Variants in GOLGB1 observed in about 807,000 individuals in gnomAD.
GOLGB1 encodes the protein golgin B1.
Under a neutral mutation model 336.9 loss-of-function variants are expected in GOLGB1, and 174 were observed. The ratio of observed to expected loss-of-function variants is 0.52; its 90% CI spans 0.46 to 0.59. GOLGB1 has a LOEUF of 0.59. GOLGB1 is among the 20% of genes least tolerant of loss of function. GOLGB1 has a pLI of 0.00. For missense variants in GOLGB1, 3,331 were observed against 3,645.3 expected, an observed-to-expected ratio of 0.91 and a Z score of 2.22; for synonymous variants, 1,208 against 1,289.2, an observed-to-expected ratio of 0.94 and a Z score of 1.35.
intron 1 of GOLGB1, among the ~76,000 whole-genome samples, chr3:121,731,297 G>C (rs1326715768): frequency 6.6e-6 from 1 of 151,914 alleles, no homozygotes; most frequent in African/African-American, 2.4e-5. Context: ...CACCTTAAAG[G>C]TAGTTTTTAT....
rs1297478226 is a variant in GOLGB1, at chr3:121,676,890, T to TA, written c.9177+2dup. The TA allele has an allele frequency of 6.2e-7, 1 of 1,613,118 alleles. No homozygotes were observed. The highest frequency in any genetic ancestry group is 1.3e-5 in the African/African-American group (1 of 74,878). On this transcript the variant is annotated splice_region_variant and intron_variant, in intron 17 of 21. Transcript: ENST00000614479. Reference sequence around the variant, plus strand: ...GAATTCCAGTCTAACAAGAAACACTTACGTTGCTGTTCAGTTGCTGAATTC... The same window carrying TA: ...GAATTCCAGTCTAACAAGAAACACTTAACGTTGCTGTTCAGTTGCTGAATTC...
chr3:121,699,545 T>G (rs1943219864), intron 12 of GOLGB1, among the ~76,000 whole-genome samples: 1 of 152,160 alleles, frequency 6.6e-6, no homozygotes, highest in South Asian at 2.1e-4. Flanking sequence ...TTGAGATAGA[T>G]GATAACCCAG....
At position 121,717,974 on chromosome 3, in the gene GOLGB1, T is replaced by G. The variant is rs541848879; in HGVS notation, c.885+414A>C. 3.6e-3 allele frequency among the ~76,000 whole-genome samples: 553 copies of G among 152,336 alleles called. 2 individuals are homozygous for G. Among genetic ancestry groups the G allele is most frequent in the Middle Eastern group, 0.014 (4 of 292 alleles). On this transcript the variant is annotated intron_variant, in intron 8 of 21. Coordinates refer to ENST00000614479, the MANE Select transcript of GOLGB1 (RefSeq NM_001366282.2). ...AGTATTTTAAATGATTTTGTGCATATTTGCCTTTGATCTGTTACCCTGTTC... is the reference window on the plus strand; with the variant it reads ...AGTATTTTAAATGATTTTGTGCATAGTTGCCTTTGATCTGTTACCCTGTTC...
chr3:121,718,518 T>G lies in GOLGB1; in HGVS notation c.772-17A>C. On this transcript the variant is annotated splice_polypyrimidine_tract_variant and intron_variant, in intron 7 of 21. Coordinates refer to ENST00000614479, the MANE Select transcript of GOLGB1 (RefSeq NM_001366282.2). Reference sequence around the variant, plus strand: ...CCTCAATTTCTGAGAAGAAAACATTTTAGACATAATATGCTAACAAATGAG... The same window carrying G: ...CCTCAATTTCTGAGAAGAAAACATTGTAGACATAATATGCTAACAAATGAG... 6.8e-7 allele frequency: 1 copy of G among 1,460,752 alleles called. No individual in the cohort carries two copies. Among genetic ancestry groups the G allele is most frequent in the Non-Finnish European group, 9.6e-7 (1 of 1,040,704 alleles). 90.5% of individuals were successfully genotyped at this position (1,460,752 alleles called of 1,614,324 possible).
rs983378054 is a variant in GOLGB1 at position 121,716,990 on chromosome 3, T to C, written c.1035A>G (p.Glu345=). The change falls in exon 9 of 22, where the codon GAA becomes GAG. Residue 345 remains glutamate (E), a synonymous_variant. Transcript: ENST00000614479. ...ERKLSFHNLQ[E]EMHHLLEQFE... is the part of the protein sequence containing the mutation. ...ACTGTTCTAAAAGATGATGCATTTC[T>C]TCCTGCAGATTATGGAAGGATAATT... 3.1e-6 allele frequency: 5 copies of C among 1,614,018 alleles called. No homozygotes were observed. In the African/African-American group the frequency reaches 5.3e-5, roughly 17 times the overall value.
Position 121,697,299 on chromosome 3 carries a change from TC to T in GOLGB1, c.3223del (p.Glu1075LysfsTer7). On this transcript the variant is annotated frameshift_variant, in exon 13 of 22. Coordinates refer to ENST00000614479, the MANE Select transcript of GOLGB1 (RefSeq NM_001366282.2). LOFTEE classifies it high-confidence loss of function. ...IYLKQTISEK[E>X]VELQHIRKDL... ...CTTCCTTATATGCTGTAGTTCCACT[TC>T]TTTCTCAGATATTGTCTGTTTTAAA... 1 of 1,613,740 alleles carries T rather than the reference TC, an allele frequency of 6.2e-7. No individual in the cohort carries two copies. Among genetic ancestry groups the T allele is most frequent in the Non-Finnish European group, 8.5e-7 (1 of 1,179,762 alleles).
intron 1 of GOLGB1, among the ~76,000 whole-genome samples, chr3:121,733,409 C>T (rs1049123417): frequency 2.7e-5 from 4 of 150,916 alleles, no homozygotes; most frequent in Admixed American, 6.6e-5. Flanking sequence ...CTTGGGTAAA[C>T]AGCTAACAAA....
rs909947383 is a variant in GOLGB1 at position 121,721,491 on chromosome 3, C to T, written c.648+771G>A. ...AAAATGTAAAAAATTTAGCCAGATG[C>T]AGTGGCACATGCCTGTAGTCCCAGC... On this transcript the variant is annotated intron_variant, in intron 6 of 21. Coordinates refer to ENST00000614479, the MANE Select transcript of GOLGB1 (RefSeq NM_001366282.2). 3.3e-5 allele frequency among the ~76,000 whole-genome samples: 5 copies of T among 152,108 alleles called. No homozygotes were observed. The East Asian group carries it at 7.7e-4, about 24-fold the overall frequency.
Position 121,691,413 on chromosome 3 carries a change from C to A in GOLGB1, c.7951G>T (p.Ala2651Ser), listed in dbSNP as rs367872332. The A allele has an allele frequency of 3.1e-6, 5 of 1,613,616 alleles. No individual in the cohort carries two copies. Among genetic ancestry groups the A allele is most frequent in the Middle Eastern group, 1.6e-4 (1 of 6,084 alleles). The change falls in exon 14 of 22, where the codon GCT becomes TCT. Residue 2651 changes from alanine to serine, a missense_variant. Ala to Ser is a moderately conservative substitution (Grantham distance 99). Transcript: ENST00000614479. The stretch of plus-strand genomic sequence containing the variant: ...CTCTTTTGAGAGGAGGAAAACAAAG[C>A]ACTTAACCTGTGTACCTCTTCTTCT... Reference protein sequence around the residue: ...VKEEEVHRLSALFSSSQKRIA... With the variant: ...VKEEEVHRLSSLFSSSQKRIA...
rs755561097 is a variant in GOLGB1, at chr3:121,696,949, G to A, written c.3574C>T (p.Arg1192Cys). ...TGTGCCTTTTTAAGAATTGCCTTGC[G>A]GGAGGTTAAGGCTTCCTGTAGCTTC... ...QKKLQEALTS[R>C]KAILKKAQEK... The change falls in exon 13 of 22, where the codon CGC becomes TGC. Residue 1192 changes from arginine to cysteine, a missense_variant. Transcript: ENST00000614479. 61 of 1,613,756 alleles carry A rather than the reference G, an allele frequency of 3.8e-5. No individual in the cohort carries two copies. Among genetic ancestry groups the A allele is most frequent in the Non-Finnish European group, 4.9e-5 (58 of 1,179,930 alleles).
chr3:121,676,893 G>A lies in GOLGB1; in HGVS notation c.9177C>T (p.Asn3059=), dbSNP rs764279131. The part of the protein sequence containing the change: ...KELRIQQLNS[N]FSQLLEEKNT... ...TTCCAGTCTAACAAGAAACACTTAC[G>A]TTGCTGTTCAGTTGCTGAATTCTTA... Residue 3059 remains asparagine (N), a splice_region_variant and synonymous_variant, in exon 17 of 22, where the codon AAC becomes AAT. Coordinates refer to ENST00000614479, the MANE Select transcript of GOLGB1 (RefSeq NM_001366282.2). 1.6e-5 allele frequency: 26 copies of A among 1,612,980 alleles called. No homozygotes were observed. The highest frequency in any genetic ancestry group is 1.6e-4 in the Middle Eastern group (1 of 6,082).
At position 121,718,860 on chromosome 3, in the gene GOLGB1, T is replaced by C. The variant is rs148127843; in HGVS notation, c.772-359A>G. Among the ~76,000 whole-genome samples the C allele has an allele frequency of 2.7e-3, 418 of 152,280 alleles. 1 individual carries two copies. Among genetic ancestry groups the C allele is most frequent in the African/African-American group, 9.6e-3 (400 of 41,546 alleles). ...TACATCTTACCCACCCAAGAGAACA[T>C]TCTCTGCAGGCAAGAATCATTTCTC... On this transcript the variant is annotated intron_variant, in intron 7 of 21. Coordinates refer to ENST00000614479, the MANE Select transcript of GOLGB1 (RefSeq NM_001366282.2).
At chr3:121,710,007 A>G (rs1944206968) in intron 10 of GOLGB1, among the ~76,000 whole-genome samples, 1 of 151,668 alleles carries the variant, frequency 6.6e-6, no homozygotes, top group South Asian at 2.1e-4. Context: ...AACCAACATT[A>G]TGACAAAAAT....
chr3:121,719,062 CTAAT>C (rs1448436757), intron 7 of GOLGB1, among the ~76,000 whole-genome samples: 4 of 152,178 alleles, frequency 2.6e-5, no homozygotes, highest in African/African-American at 7.2e-5. Context: ...CTAATTAATT[CTAAT>C]TAATTTTCAA....
intron 18 of GOLGB1, 34 bp downstream of exon 18, chr3:121,669,178 A>G (rs1336422375): frequency 1.9e-6 from 3 of 1,609,014 alleles, no homozygotes; most frequent in African/African-American, 2.7e-5. Flanking sequence ...ATTTCATCAC[A>G]CTTCTCCCAG....
rs147429528 is a variant in GOLGB1, at chr3:121,741,335, A to T, written c.-3+8297T>A. Among the ~76,000 whole-genome samples the T allele has an allele frequency of 9.9e-3, 1,507 of 152,322 alleles. 72 individuals carry two copies. The highest frequency in any genetic ancestry group is 0.076 in the Admixed American group (1,164 of 15,276). ...AAGTAAAGACTGGAGGAGAGACAGCATAGTATGTAATGATTATATGCTCTG... is the reference window on the plus strand; with the variant it reads ...AAGTAAAGACTGGAGGAGAGACAGCTTAGTATGTAATGATTATATGCTCTG... On this transcript the variant is annotated intron_variant, in intron 1 of 21. Coordinates refer to ENST00000614479, the MANE Select transcript of GOLGB1 (RefSeq NM_001366282.2).
intron 10 of GOLGB1, among the ~76,000 whole-genome samples, chr3:121,704,528 A>G (rs1201387352): frequency 6.6e-6 from 1 of 152,222 alleles, no homozygotes; most frequent in African/African-American, 2.4e-5. Context: ...CTATAATCCC[A>G]GCAGTTTGGG....
intron 5 of GOLGB1, among the ~76,000 whole-genome samples, chr3:121,725,925 T>G (rs1945555467): frequency 6.6e-6 from 1 of 151,848 alleles, no homozygotes; most frequent in African/African-American, 2.4e-5. Context: ...AAGAAGACCC[T>G]CACCAGATGC....
chr3:121,677,109 G>A lies in GOLGB1; in HGVS notation c.9040-79C>T, dbSNP rs903128129. 3.9e-6 allele frequency: 6 copies of A among 1,554,992 alleles called. No individual in the cohort carries two copies. The Admixed American group carries it at 5.2e-5, about 13-fold the overall frequency. ...TTCCTTCCCTCTAGAAATCCTGTCC[G>A]CCCCATAGAAGTCATAAGGTGGCTT... On this transcript the variant is annotated intron_variant, in intron 16 of 21. Transcript: ENST00000614479.
Sources: gnomAD v4.1 joint callset for allele counts (sites outside exome capture counted in the v4.1 genomes callset) on GRCh38, gnomAD v4.1.1 for gene constraint, MANE v1.5 for transcripts, NCBI Gene and HGNC (gene_info 2026-07-23, HGNC 2026-07-21) for gene names.